Variants in PCDH15 observed in about 807,000 individuals in gnomAD.
The protein encoded by PCDH15 is protocadherin related 15.
PCDH15 carries 129 observed loss-of-function variants against 178.5 expected under a neutral mutation model. The ratio of observed to expected loss-of-function variants is 0.72; its 90% CI spans 0.63 to 0.84. The LOEUF (loss-of-function observed/expected upper bound fraction) is 0.84. PCDH15 is among the 40% of genes least tolerant of loss of function. The pLI, the probability that PCDH15 is intolerant of heterozygous loss-of-function variation, is 0.00. For synonymous variants in PCDH15, 800 were observed against 732.0 expected (o/e 1.09, Z -1.50); for missense variants, 2,230 against 2,099.9 (o/e 1.06, Z -1.21).
At chr10:54,847,022 T>C (rs1295238522) in intron 3 of PCDH15, among the ~76,000 whole-genome samples, 1 of 152,194 alleles carries the variant, frequency 6.6e-6, no homozygotes, top group Non-Finnish European at 1.5e-5. Flanking sequence ...TGTGAAAAGT[T>C]AATTGCTTAG....
rs142574957 is a variant in PCDH15, at chr10:55,386,240, G to C, written c.-155-219589C>G. 3.7e-3 allele frequency among the ~76,000 whole-genome samples: 568 copies of C among 151,938 alleles called. 4 individuals carry two copies. Among genetic ancestry groups the C allele is most frequent in the African/African-American group, 0.011 (472 of 41,498 alleles). On this transcript the variant is annotated intron_variant, in intron 2 of 5. Transcript: ENST00000613346. ...AAACAGTCTCTGCCACTACTCATGA[G>C]TAATTTTTATATCACACCCAGAAGT...
intron 23 of PCDH15, among the ~76,000 whole-genome samples, chr10:53,955,339 C>G (rs2087506755): frequency 6.6e-6 from 1 of 152,156 alleles, no homozygotes; most frequent in African/African-American, 2.4e-5. Context: ...GTGACCTAAA[C>G]TACCCTAACT....
At chr10:54,330,947 C>T (rs1485011135) in intron 6 of PCDH15, among the ~76,000 whole-genome samples, 1 of 150,566 alleles carries the variant, frequency 6.6e-6, no homozygotes, top group African/African-American at 2.4e-5. Context: ...TTTGAATCTG[C>T]ATTAGATTGC....
intron 3 of PCDH15, among the ~76,000 whole-genome samples, chr10:54,833,659 T>A (rs1953264820): frequency 6.6e-6 from 1 of 152,186 alleles, no homozygotes; most frequent in Non-Finnish European, 1.5e-5. Context: ...AATCAGTCTC[T>A]CTCATTCTTG....
At chr10:54,022,371 A>G (rs1017793263) in intron 19 of PCDH15, among the ~76,000 whole-genome samples, 1 of 152,066 alleles carries the variant, frequency 6.6e-6, no homozygotes, top group African/African-American at 2.4e-5. Flanking sequence ...TATAAACAAT[A>G]TTTGTAAAAT....
intron 2 of PCDH15, among the ~76,000 whole-genome samples, chr10:55,132,071 C>A (rs1838064927): frequency 6.6e-6 from 1 of 152,168 alleles, no homozygotes; most frequent in African/African-American, 2.4e-5. Context: ...GCTCACACTT[C>A]TTCAACTTGG....
In PCDH15 at chr10:55,519,466, C is replaced by T. The variant is rs73253106; in HGVS notation, c.-156+108159G>A. ...TTATAAAAAGGCAAGATACACGACC[C>T]CTGTGGTGATGGAATTGTCATGCAT... On this transcript the variant is annotated intron_variant, in intron 2 of 5. Transcript: ENST00000613346. Among the ~76,000 whole-genome samples, 272 of 151,936 alleles carry T rather than the reference C, an allele frequency of 1.8e-3. 1 individual carries two copies. The highest frequency in any genetic ancestry group is 6.3e-3 in the African/African-American group (260 of 41,460).
intron 2 of PCDH15, among the ~76,000 whole-genome samples, chr10:55,163,801 G>T (rs756610965): frequency 1.3e-5 from 2 of 152,062 alleles, no homozygotes; most frequent in Non-Finnish European, 2.9e-5. Flanking sequence ...GTCTAAAACG[G>T]CAGGGAGGAA....
chr10:54,332,258 T>TATTATTATATATAATATAATATAATC (rs1939803675), intron 6 of PCDH15, among the ~76,000 whole-genome samples: 2 of 126,724 alleles, frequency 1.6e-5, no homozygotes, highest in African/African-American at 5.6e-5. Context: ...ATAATCTATA[T>TATTATTATATATAATATAATATAATC]TATATATTAT....
intron 2 of PCDH15, among the ~76,000 whole-genome samples, chr10:55,541,204 T>G (rs901511749): frequency 6.6e-6 from 1 of 151,960 alleles, no homozygotes; most frequent in Non-Finnish European, 1.5e-5. Flanking sequence ...AAAGTTTGAA[T>G]CATTCTTCAT....
intron 9 of PCDH15, among the ~76,000 whole-genome samples, chr10:54,216,389 TG>T (rs2052069748): frequency 2.0e-5 from 3 of 152,000 alleles, no homozygotes. Flanking sequence ...CCGGGAGACA[TG>T]GAGGTTGCGT....
At chr10:55,389,440 T>C (rs534095928) in intron 2 of PCDH15, among the ~76,000 whole-genome samples, 1 of 152,146 alleles carries the variant, frequency 6.6e-6, no homozygotes, top group Non-Finnish European at 1.5e-5. Flanking sequence ...AACTTTTCCA[T>C]TTCTAATTTG....
intron 2 of PCDH15, among the ~76,000 whole-genome samples, chr10:55,046,083 T>C (rs1840996249): frequency 6.6e-6 from 1 of 152,092 alleles, no homozygotes; most frequent in East Asian, 1.9e-4. Context: ...CTCTATGTAC[T>C]ATGTACTAAG....
intron 2 of PCDH15, among the ~76,000 whole-genome samples, chr10:55,360,487 T>C (rs1171481330): frequency 6.6e-6 from 1 of 151,718 alleles, no homozygotes; most frequent in African/African-American, 2.4e-5. Flanking sequence ...ATTGTATATC[T>C]AGGAAACATA....
At chr10:55,038,766 G>A (rs1840797032) in intron 2 of PCDH15, among the ~76,000 whole-genome samples, 1 of 152,010 alleles carries the variant, frequency 6.6e-6, no homozygotes, top group African/African-American at 2.4e-5. Context: ...GTGTTGGAAG[G>A]GATTCACTAT....
At chr10:55,372,959 A>T (rs1487853288) in intron 2 of PCDH15, among the ~76,000 whole-genome samples, 1 of 152,160 alleles carries the variant, frequency 6.6e-6, no homozygotes, top group East Asian at 1.9e-4. Context: ...AATTTAATAC[A>T]CCATGATATT....
At chr10:54,002,530 A>G (rs1013447796) in intron 20 of PCDH15, among the ~76,000 whole-genome samples, 4 of 152,212 alleles carry the variant, frequency 2.6e-5, no homozygotes, top group Non-Finnish European at 4.4e-5. Context: ...AAAATCAATA[A>G]CAACATAAAT....
chr10:55,031,932 G>A (rs1410262089), intron 2 of PCDH15, among the ~76,000 whole-genome samples: 1 of 152,196 alleles, frequency 6.6e-6, no homozygotes, highest in Non-Finnish European at 1.5e-5. Flanking sequence ...AATTGATACA[G>A]GGATTGGACT....
intron 2 of PCDH15, among the ~76,000 whole-genome samples, chr10:54,615,428 A>C (rs2134315287): frequency 6.6e-6 from 1 of 152,198 alleles, no homozygotes; most frequent in African/African-American, 2.4e-5. Flanking sequence ...AGTTAATCCA[A>C]CGGATGTGCA....
Sources: gnomAD v4.1 joint callset for allele counts (sites outside exome capture counted in the v4.1 genomes callset) on GRCh38, gnomAD v4.1.1 for gene constraint, MANE v1.5 for transcripts, NCBI Gene and HGNC (gene_info 2026-07-23, HGNC 2026-07-21) for gene names.